The following TK1 variants were observed in gnomAD, a reference collection of about 807,000 sequenced individuals.
TK1 encodes thymidine kinase, cytosolic.
A neutral mutation model predicts 22.4 loss-of-function variants in TK1; 13 were observed. The ratio of observed to expected loss-of-function variants is 0.58; its 90% CI spans 0.38 to 0.92. The LOEUF (loss-of-function observed/expected upper bound fraction) is 0.92. Among genes scored for constraint, TK1 ranks in the 40% least tolerant of loss-of-function variants. TK1 has a pLI of 0.00. For missense variants in TK1, 251 were observed against 315.7 expected (o/e 0.80, Z 1.55); for synonymous variants, 134 against 125.4 (o/e 1.07, Z -0.46).
chr17:78,181,373 C>A (rs537797552), intron 4 of TK1, among the ~76,000 whole-genome samples: 2 of 152,070 alleles, frequency 1.3e-5, no homozygotes, highest in East Asian at 1.9e-4. Context: ...CATGGTGAAC[C>A]CTTGTCTCTA....
rs1014444416 is a variant in TK1 at position 78,175,632 on chromosome 17, G to A, written c.304-14C>T. ...GATGTCAGGGAACTGGAAAGGGCAC[G>A]TGGAGAAAGAGTGTGAGAGCTTCCA... On this transcript the variant is annotated splice_polypyrimidine_tract_variant and intron_variant, in intron 4 of 6. Coordinates refer to ENST00000301634, the MANE Select transcript of TK1 (RefSeq NM_003258.5). 9 of 1,610,930 alleles carry A rather than the reference G, an allele frequency of 5.6e-6. No individual in the cohort carries two copies. In the African/African-American group the frequency reaches 6.7e-5, roughly 12 times the overall value.
intron 1 of TK1, 31 bp from the exon 2 acceptor site, chr17:78,186,849 C>A: frequency 7.0e-6 from 11 of 1,574,158 alleles, no homozygotes; most frequent in Non-Finnish European, 9.5e-6. Context: ...ATTTGAGGGC[C>A]CGCCCTGCGC....
intron 4 of TK1, among the ~76,000 whole-genome samples, chr17:78,181,286 G>A (rs997329928): frequency 5.3e-5 from 8 of 151,938 alleles, no homozygotes; most frequent in Admixed American, 4.6e-4. Context: ...GGCGGCTCAT[G>A]CCTGTAATTC....
At chr17:78,182,723 C>T in intron 3 of TK1, 41 bp from the exon 4 acceptor site, 1 of 1,459,448 alleles carries the variant, frequency 6.9e-7, no homozygotes, top group Non-Finnish European at 9.2e-7. Flanking sequence ...GCCAGGGAGG[C>T]CAGAAGCCAC....
intron 4 of TK1, among the ~76,000 whole-genome samples, chr17:78,180,020 G>A (rs1020069334): frequency 5.9e-5 from 9 of 152,158 alleles, no homozygotes; most frequent in African/African-American, 1.2e-4. Context: ...ATAGTGAGCC[G>A]AGACTGCGCC....
chr17:78,177,826 G>A (rs1170636333), intron 4 of TK1, among the ~76,000 whole-genome samples: 4 of 151,058 alleles, frequency 2.6e-5, no homozygotes, highest in African/African-American at 4.9e-5. Context: ...CACCCACCTC[G>A]GCCTCCCAAA....
At chr17:78,178,017 T>G (rs2075713390) in intron 4 of TK1, among the ~76,000 whole-genome samples, 1 of 151,940 alleles carries the variant, frequency 6.6e-6, no homozygotes, top group African/African-American at 2.4e-5. Context: ...ATTACAGGTG[T>G]GTGCCACCAC....
chr17:78,179,785 T>C lies in TK1; in HGVS notation c.303+2804A>G, dbSNP rs1019898392. On this transcript the variant is annotated intron_variant, in intron 4 of 6. Transcript: ENST00000301634. ...CTCCAGGGTATAGAACTAGACTAAG[T>C]GTGGCCAGGCGTGGTGGCTCACGCC... 7 of 982,930 alleles carry C rather than the reference T, an allele frequency of 7.1e-6. No individual in the cohort carries two copies. The African/African-American group carries it at 1.2e-4, about 17-fold the overall frequency. The allele number at this position is 982,930 out of a possible 1,614,324, so 60.9% of individuals were successfully genotyped here. A position where few individuals can be genotyped will look rare whatever the true frequency, so the allele number is the denominator to read the frequency against.
chr17:78,177,282 A>G (rs73377414), intron 4 of TK1, among the ~76,000 whole-genome samples: 1 of 152,318 alleles, frequency 6.6e-6, no homozygotes, highest in East Asian at 1.9e-4. Context: ...GCCCACCACA[A>G]GTGGAAAATT....
At chr17:78,175,219 G>GTTTTTATTTTTTTTT in intron 5 of TK1, 50 bp from the exon 6 acceptor site, 23 of 1,574,856 alleles carry the variant, frequency 1.5e-5, no homozygotes, top group African/African-American at 7.0e-5. Flanking sequence ...TACCAGGTGG[G>GTTTTTATTTTTTTTT]TTTTTCTTTT....
upstream of TK1, chr17:78,187,123 G>T: frequency 9.0e-7 from 1 of 1,116,198 alleles, no homozygotes. Flanking sequence ...GCCGCCATGG[G>T]GCCAATCAGC....
rs2075811096 is a variant in TK1, at chr17:78,187,005, G to A, written c.-11C>T. Reference sequence around the variant, plus strand: ...GTTAATGCAGCTCATTGCGCCTCCGGGAAGTTCACGAACCCGAGTACTCTC... The same window carrying A: ...GTTAATGCAGCTCATTGCGCCTCCGAGAAGTTCACGAACCCGAGTACTCTC... On this transcript the variant is annotated 5_prime_UTR_variant, in exon 1 of 7. Transcript: ENST00000301634. 1 of 1,587,300 alleles carries A rather than the reference G, an allele frequency of 6.3e-7. No homozygotes were observed. The highest frequency in any genetic ancestry group is 8.6e-7 in the Non-Finnish European group (1 of 1,167,444).
At chr17:78,184,263 C>A (rs770160869) in intron 3 of TK1, among the ~76,000 whole-genome samples, 5 of 152,256 alleles carry the variant, frequency 3.3e-5, no homozygotes, top group Non-Finnish European at 5.9e-5. Context: ...GAAGGCCACA[C>A]GCCGGGTGGA....
chr17:78,175,488 C>G, intron 5 of TK1, 41 bp downstream of exon 5: 1 of 1,583,646 alleles, frequency 6.3e-7, no homozygotes, highest in Non-Finnish European at 8.6e-7. Flanking sequence ...AGCCTCTTGC[C>G]CTCCTCAATC....
chr17:78,179,727 G>A (rs952866420), intron 4 of TK1: 9 of 985,308 alleles, frequency 9.1e-6, no homozygotes, highest in African/African-American at 5.2e-5. Flanking sequence ...TAGAGACCTC[G>A]AAGCACTCAC....
rs750917353 is a variant in TK1 at position 78,185,039 on chromosome 17, G to A, written c.209+16C>T. On this transcript the variant is annotated intron_variant, in intron 3 of 6. Transcript: ENST00000301634. ...TGATTTTCCACTGGACAGGACTGCA[G>A]GGGGCAGGGACTGACCGGTCATGTG... The A allele has an allele frequency of 4.4e-6, 7 of 1,607,458 alleles. No individual in the cohort carries two copies. In the South Asian group the frequency reaches 4.4e-5, roughly 10 times the overall value.
intron 4 of TK1, 68 bp from the exon 5 acceptor site, chr17:78,175,686 C>T: frequency 3.5e-6 from 5 of 1,417,318 alleles, no homozygotes; most frequent in East Asian, 2.3e-5. Context: ...GGAGCCCCAG[C>T]GAAGACGCTG....
chr17:78,183,513 C>A (rs11657629), intron 3 of TK1, among the ~76,000 whole-genome samples: 18,022 of 151,974 alleles, frequency 0.12, 1,592 homozygotes, highest in East Asian at 0.36. Flanking sequence ...GGTAACACAG[C>A]GAGACACTGT....
intron 4 of TK1, among the ~76,000 whole-genome samples, 156 bp downstream of exon 4, chr17:78,182,433 T>C (rs1488893512): frequency 6.6e-6 from 1 of 150,752 alleles, no homozygotes; most frequent in Non-Finnish European, 1.5e-5. Flanking sequence ...ACAGGGAAAC[T>C]AGAAAGGGGC....
Sources: allele counts gnomAD v4.1 joint callset (sites outside exome capture counted in the v4.1 genomes callset), GRCh38; gene constraint gnomAD v4.1.1; transcripts MANE v1.5; gene names NCBI Gene and HGNC (gene_info 2026-07-23, HGNC 2026-07-21).